HSD17B3: variants seen among roughly 807,000 people sequenced by gnomAD.
The protein encoded by HSD17B3 is hydroxysteroid 17-beta dehydrogenase 3.
In HSD17B3, 29 loss-of-function variants were observed where a neutral mutation model predicts 41.1. That is an observed-to-expected ratio of 0.71 (90% CI 0.53 to 0.96). HSD17B3 has a LOEUF of 0.96. Among genes scored for constraint, HSD17B3 ranks in the 40% least tolerant of loss-of-function variants. HSD17B3 has a pLI of 0.00. For missense variants in HSD17B3, 323 were observed against 374.6 expected (o/e 0.86, Z 1.14); for synonymous variants, 126 against 145.6 (o/e 0.87, Z 0.97).
intron 2 of HSD17B3, among the ~76,000 whole-genome samples, chr9:96,259,209 T>C (rs1825771785): frequency 1.3e-5 from 2 of 152,204 alleles, no homozygotes; most frequent in African/African-American, 4.8e-5. Context: ...ATTTACCAGC[T>C]GCAACTCCAC....
chr9:96,292,094 TA>T (rs1321902729), intron 2 of HSD17B3, among the ~76,000 whole-genome samples: 1 of 151,958 alleles, frequency 6.6e-6, no homozygotes, highest in Non-Finnish European at 1.5e-5. Flanking sequence ...ATATAATCAC[TA>T]AAGTTAAAAC....
chr9:96,277,713 G>T (rs955278610), intron 2 of HSD17B3, among the ~76,000 whole-genome samples: 1 of 152,086 alleles, frequency 6.6e-6, no homozygotes, highest in African/African-American at 2.4e-5. Context: ...TATATCCAAA[G>T]GAAATGAAAT....
At chr9:96,262,394 C>G (rs1329945693) in intron 2 of HSD17B3, among the ~76,000 whole-genome samples, 1 of 151,808 alleles carries the variant, frequency 6.6e-6, no homozygotes, top group Non-Finnish European at 1.5e-5. Flanking sequence ...CAGGTGCCCA[C>G]CACCACGACT....
chr9:96,296,760 G>A (rs143849811), intron 2 of HSD17B3, among the ~76,000 whole-genome samples: 2 of 152,140 alleles, frequency 1.3e-5, no homozygotes, highest in African/African-American at 2.4e-5. Flanking sequence ...CAGGGTTTTC[G>A]GCAGGCTGCA....
In HSD17B3 at chr9:96,302,125, T is replaced by C. The variant is rs1202387653; in HGVS notation, c.-21A>G. ...CCCATGGCTGCACTCAACAGACTGTTTCAGCCCTGGCCGTGGCTCTCTGTG... is the reference window on the plus strand; with the variant it reads ...CCCATGGCTGCACTCAACAGACTGTCTCAGCCCTGGCCGTGGCTCTCTGTG... On this transcript the variant is annotated 5_prime_UTR_variant, in exon 1 of 11. Transcript: ENST00000375263. 5.0e-6 allele frequency: 8 copies of C among 1,613,296 alleles called. No homozygotes were observed. In the African/African-American group the frequency reaches 6.7e-5, roughly 13 times the overall value.
intron 2 of HSD17B3, among the ~76,000 whole-genome samples, chr9:96,284,215 TAAAAAAAAAA>T (rs569621446): frequency 4.0e-5 from 4 of 100,196 alleles, no homozygotes; most frequent in African/African-American, 7.6e-5. Flanking sequence ...GACTCCATCT[TAAAAAAAAAA>T]AAAAAAAAAA....
intron 2 of HSD17B3, chr9:96,256,415 C>T (rs1825661591): frequency 6.6e-6 from 1 of 152,118 alleles, no homozygotes; most frequent in Non-Finnish European, 1.5e-5. Context: ...AGGCAGACCA[C>T]TTGAGGTCAG....
At chr9:96,287,520 C>A (rs8190514) in intron 2 of HSD17B3, among the ~76,000 whole-genome samples, 4,174 of 152,036 alleles carry the variant, frequency 0.027, 207 homozygotes, top group African/African-American at 0.095. Flanking sequence ...ACCATCCTGG[C>A]TAACACAGTG....
chr9:96,251,196 A>G (rs1187430131), intron 5 of HSD17B3: 3 of 592,062 alleles, frequency 5.1e-6, no homozygotes, highest in South Asian at 2.1e-5. Context: ...ATGTGCAGAG[A>G]AGGAGGAAGA....
At chr9:96,250,725 TA>T (rs1836863353) in intron 5 of HSD17B3, among the ~76,000 whole-genome samples, 1 of 151,822 alleles carries the variant, frequency 6.6e-6, no homozygotes, top group Non-Finnish European at 1.5e-5. Context: ...CCGTCTCTAC[TA>T]AAAATACAAA....
At position 96,264,309 on chromosome 9, in the gene HSD17B3, A is replaced by G. The variant is rs536654362; in HGVS notation, c.202-9366T>C. On this transcript the variant is annotated intron_variant, in intron 2 of 10. Coordinates refer to ENST00000375263, the MANE Select transcript of HSD17B3 (RefSeq NM_000197.2). ...ATCAAACATATTAGGAAGGTTGCAC[A>G]TGGGAAGACGGGGAATAGAAATGGG... 2.6e-5 allele frequency among the ~76,000 whole-genome samples: 4 copies of G among 152,174 alleles called. No homozygotes were observed. The South Asian group carries it at 8.3e-4, about 32-fold the overall frequency.
intron 2 of HSD17B3, among the ~76,000 whole-genome samples, chr9:96,283,343 T>G (rs1826779256): frequency 6.6e-6 from 1 of 152,186 alleles, no homozygotes; most frequent in Non-Finnish European, 1.5e-5. Context: ...AATCTGCTCT[T>G]TAACAAAAAT....
intron 3 of HSD17B3, among the ~76,000 whole-genome samples, chr9:96,254,513 G>A (rs980903520): frequency 7.9e-5 from 12 of 152,218 alleles, no homozygotes; most frequent in African/African-American, 2.9e-4. Context: ...AGTATAGTTA[G>A]TTGAGAATTG....
chr9:96,240,050 C>T (rs939073094), intron 10 of HSD17B3: 1 of 149,030 alleles, frequency 6.7e-6, no homozygotes, highest in African/African-American at 2.5e-5. Context: ...GGGAGGGGAA[C>T]ATCACACACC....
intron 2 of HSD17B3, among the ~76,000 whole-genome samples, chr9:96,264,842 G>T (rs1158666037): frequency 6.6e-6 from 1 of 152,130 alleles, no homozygotes; most frequent in Non-Finnish European, 1.5e-5. Context: ...GCAGCCTTTA[G>T]CTATTCTAGT....
intron 2 of HSD17B3, among the ~76,000 whole-genome samples, chr9:96,256,487 A>G (rs1825665420): frequency 6.6e-6 from 1 of 152,078 alleles, no homozygotes; most frequent in Non-Finnish European, 1.5e-5. Flanking sequence ...CACAAAAAAT[A>G]AAAAATAAAA....
At chr9:96,264,652 T>G (rs1428601709) in intron 2 of HSD17B3, among the ~76,000 whole-genome samples, 1 of 152,140 alleles carries the variant, frequency 6.6e-6, no homozygotes, top group Admixed American at 6.5e-5. Flanking sequence ...GGATTATAGG[T>G]GTGAGCCACC....
At chr9:96,293,456 A>T (rs1327626351) in intron 2 of HSD17B3, among the ~76,000 whole-genome samples, 1 of 151,088 alleles carries the variant, frequency 6.6e-6, no homozygotes, top group Non-Finnish European at 1.5e-5. Flanking sequence ...TACACTGCAG[A>T]TTTGGGACAC....
intron 2 of HSD17B3, among the ~76,000 whole-genome samples, chr9:96,277,843 A>G (rs915344279): frequency 2.6e-4 from 29 of 109,444 alleles, no homozygotes; most frequent in Admixed American, 2.0e-3. Flanking sequence ...TGGCACACAC[A>G]CACACACACA....
Sources: allele counts gnomAD v4.1 joint callset (sites outside exome capture counted in the v4.1 genomes callset), GRCh38; gene constraint gnomAD v4.1.1; transcripts MANE v1.5; gene names NCBI Gene and HGNC (gene_info 2026-07-23, HGNC 2026-07-21).